Variants in CLSTN2 observed in about 807,000 individuals in gnomAD.
CLSTN2 encodes calsyntenin-2.
A neutral mutation model predicts 101.2 loss-of-function variants in CLSTN2; 48 were observed. The ratio of observed to expected loss-of-function variants is 0.47; its 90% CI spans 0.38 to 0.60. CLSTN2 has a LOEUF of 0.60. Among genes scored for constraint, CLSTN2 ranks in the 20% least tolerant of loss-of-function variants. The probability of loss-of-function intolerance (pLI) is 0.00; values close to 1 mark genes in which losing one functional copy is unlikely to be tolerated. For missense variants in CLSTN2, 1,160 were observed against 1,238.2 expected (o/e 0.94, Z 0.95); for synonymous variants, 481 against 463.6 (o/e 1.04, Z -0.48).
At chr3:140,556,484 C>A in intron 10 of CLSTN2, 29 bp from the exon 11 acceptor site, 1 of 1,612,746 alleles carries the variant, frequency 6.2e-7, no homozygotes, top group South Asian at 1.1e-5. Flanking sequence ...TGACCATTCT[C>A]TTCCATGATG....
rs1483124959 is a variant in CLSTN2, at chr3:140,351,791, TG to T, written c.233-51837del. ...GAAAACTTATATTCAGGTTTTGTTT[TG>T]TTTTTTTTTTTTCTTAATAGGCTTA... On this transcript the variant is annotated intron_variant, in intron 2 of 16. Coordinates refer to ENST00000458420, the MANE Select transcript of CLSTN2 (RefSeq NM_022131.3). Among the ~76,000 whole-genome samples the T allele has an allele frequency of 1.0e-4, 12 of 120,168 alleles. No individual in the cohort carries two copies. The South Asian group carries it at 2.5e-3, about 25-fold the overall frequency. 78.8% of individuals were successfully genotyped at this position (120,168 alleles called of 152,430 possible).
chr3:140,475,922 G>A (rs778348635), intron 8 of CLSTN2, among the ~76,000 whole-genome samples: 7 of 152,144 alleles, frequency 4.6e-5, no homozygotes, highest in Admixed American at 1.3e-4. Flanking sequence ...ATGAAGTAAC[G>A]TCAACACAAT....
chr3:140,421,059 G>T (rs1430157134), intron 4 of CLSTN2, 66 bp from the exon 5 acceptor site: 15 of 1,529,246 alleles, frequency 9.8e-6, no homozygotes, highest in Non-Finnish European at 1.3e-5. Context: ...GTGGAGAAGA[G>T]ATTTGGGAGA....
chr3:140,334,505 T>A (rs2087421556), intron 2 of CLSTN2, among the ~76,000 whole-genome samples: 1 of 152,228 alleles, frequency 6.6e-6, no homozygotes, highest in Non-Finnish European at 1.5e-5. Flanking sequence ...AACTGCTCTG[T>A]GCCAGGCCCT....
intron 1 of CLSTN2, among the ~76,000 whole-genome samples, chr3:139,986,485 A>G (rs7632475): frequency 0.33 from 49,866 of 151,988 alleles, 10,113 homozygotes; most frequent in Non-Finnish European, 0.46. Flanking sequence ...GGCCTGGAAT[A>G]CTATAGGGAG....
intron 5 of CLSTN2, among the ~76,000 whole-genome samples, chr3:140,438,742 G>T (rs1304147897): frequency 2.6e-5 from 4 of 152,170 alleles, no homozygotes; most frequent in African/African-American, 9.7e-5. Flanking sequence ...CTAAGAGAAA[G>T]TACCCTGGTT....
chr3:140,406,375 T>C (rs543975080), intron 4 of CLSTN2, among the ~76,000 whole-genome samples: 2 of 152,000 alleles, frequency 1.3e-5, no homozygotes, highest in African/African-American at 2.4e-5. Flanking sequence ...AAAATAATAA[T>C]AAGGTAATTT....
At chr3:140,331,314 A>AGATGGTGCCTACCCACAAT (rs1418036014) in intron 2 of CLSTN2, among the ~76,000 whole-genome samples, 1 of 152,186 alleles carries the variant, frequency 6.6e-6, no homozygotes, top group Non-Finnish European at 1.5e-5. Context: ...GCAGCTGATC[A>AGATGGTGCCTACCCACAAT]GATGGTGCCT....
intron 1 of CLSTN2, among the ~76,000 whole-genome samples, chr3:140,054,229 G>A (rs1464208460): frequency 6.6e-6 from 1 of 152,102 alleles, no homozygotes; most frequent in Non-Finnish European, 1.5e-5. Flanking sequence ...GAATAGCAAG[G>A]AGGCTGGGCA....
At chr3:140,096,750 C>T (rs1339550693) in intron 1 of CLSTN2, among the ~76,000 whole-genome samples, 1 of 152,174 alleles carries the variant, frequency 6.6e-6, no homozygotes, top group Non-Finnish European at 1.5e-5. Context: ...CAGAGTTGAT[C>T]TTATTTTATC....
At chr3:140,328,314 G>A (rs747359724) in intron 2 of CLSTN2, among the ~76,000 whole-genome samples, 3 of 152,130 alleles carry the variant, frequency 2.0e-5, no homozygotes, top group Admixed American at 6.5e-5. Context: ...TCCTTAAGCT[G>A]TCTTGTTCAT....
intron 2 of CLSTN2, among the ~76,000 whole-genome samples, chr3:140,237,010 C>A (rs2086424419): frequency 2.0e-5 from 3 of 152,000 alleles, no homozygotes; most frequent in African/African-American, 7.3e-5. Context: ...CGAACTATCT[C>A]TTCTCCTTAT....
At chr3:140,442,741 C>T (rs1167485861) in intron 5 of CLSTN2, among the ~76,000 whole-genome samples, 1 of 152,164 alleles carries the variant, frequency 6.6e-6, no homozygotes, top group African/African-American at 2.4e-5. Context: ...GGATAGTTCA[C>T]ACCCTCGCTA....
At chr3:140,256,055 T>C (rs2086601248) in intron 2 of CLSTN2, among the ~76,000 whole-genome samples, 1 of 152,206 alleles carries the variant, frequency 6.6e-6, no homozygotes, top group Non-Finnish European at 1.5e-5. Flanking sequence ...TTTTCCCACA[T>C]TTTTCTGATG....
chr3:140,536,376 C>G (rs527948232), intron 9 of CLSTN2, among the ~76,000 whole-genome samples: 1 of 152,120 alleles, frequency 6.6e-6, no homozygotes, highest in Non-Finnish European at 1.5e-5. Flanking sequence ...CTCTGAGCCT[C>G]TCATCTAAGA....
chr3:139,974,774 C>T (rs1039930224), intron 1 of CLSTN2, among the ~76,000 whole-genome samples: 10 of 152,208 alleles, frequency 6.6e-5, no homozygotes, highest in Non-Finnish European at 1.3e-4. Flanking sequence ...ATTGCTGGTT[C>T]CCTACTAAAG....
chr3:140,334,644 G>T (rs1301287060), intron 2 of CLSTN2, among the ~76,000 whole-genome samples: 1 of 152,202 alleles, frequency 6.6e-6, no homozygotes, highest in African/African-American at 2.4e-5. Flanking sequence ...AGAATGAAGG[G>T]ACATTCCTCC....
At chr3:140,458,594 C>A (rs1337357279) in intron 6 of CLSTN2, among the ~76,000 whole-genome samples, 1 of 152,204 alleles carries the variant, frequency 6.6e-6, no homozygotes, top group Non-Finnish European at 1.5e-5. Context: ...CCCCCCTCCA[C>A]AAAGTTGGTG....
At chr3:140,047,001 G>A (rs924855967) in intron 1 of CLSTN2, among the ~76,000 whole-genome samples, 2 of 152,072 alleles carry the variant, frequency 1.3e-5, no homozygotes, top group African/African-American at 4.8e-5. Context: ...CATTGATATT[G>A]AGAGATTAAT....
Sources: gnomAD v4.1 joint callset for allele counts (sites outside exome capture counted in the v4.1 genomes callset) on GRCh38, gnomAD v4.1.1 for gene constraint, MANE v1.5 for transcripts, NCBI Gene and HGNC (gene_info 2026-07-23, HGNC 2026-07-21) for gene names.